Variants in PCDHGA7 observed in about 807,000 individuals in gnomAD.
PCDHGA7 encodes the protein protocadherin gamma subfamily A, 7, also known as protocadherin gamma-A7.
Under a neutral mutation model 58.3 loss-of-function variants are expected in PCDHGA7, and 44 were observed. The observed-to-expected ratio is 0.75, with a 90% CI of 0.59 to 0.97. The LOEUF (loss-of-function observed/expected upper bound fraction) is 0.97. Ranked by LOEUF, PCDHGA7 falls within the 50% of genes least tolerant of loss-of-function variation. PCDHGA7 has a pLI of 0.00. For missense variants in PCDHGA7, 1,266 were observed against 1,188.7 expected, an observed-to-expected ratio of 1.06 and a Z score of -0.96; for synonymous variants, 516 against 504.2, an observed-to-expected ratio of 1.02 and a Z score of -0.31.
At chr5:141,452,527 G>A (rs1164238830) in intron 1 of PCDHGA7, among the ~76,000 whole-genome samples, 1 of 152,156 alleles carries the variant, frequency 6.6e-6, no homozygotes, top group Non-Finnish European at 1.5e-5. Flanking sequence ...TCAAAATCGT[G>A]AGTTCATATT....
At chr5:141,422,374 G>A (rs1268014814) in intron 1 of PCDHGA7, 1 of 1,570,452 alleles carries the variant, frequency 6.4e-7, no homozygotes, top group Non-Finnish European at 8.6e-7. Flanking sequence ...AAATGGTCAA[G>A]TCTCCTGTTT....
intron 1 of PCDHGA7, chr5:141,414,139 G>T: frequency 6.3e-7 from 1 of 1,596,506 alleles, no homozygotes; most frequent in Non-Finnish European, 8.5e-7. Flanking sequence ...CTATGAAATA[G>T]AAATACAAGC....
intron 1 of PCDHGA7, chr5:141,395,804 A>C (rs150880061): frequency 6.6e-6 from 1 of 152,224 alleles, no homozygotes; most frequent in Non-Finnish European, 1.5e-5. Context: ...ACCATCCTTC[A>C]AAACATGAAC....
In PCDHGA7 at chr5:141,489,561, G is replaced by A. The variant is rs1750812409; in HGVS notation, c.2425-5246G>A. 6.2e-7 allele frequency: 1 copy of A among 1,614,106 alleles called. No homozygotes were observed. Among genetic ancestry groups the A allele is most frequent in the Non-Finnish European group, 8.5e-7 (1 of 1,180,026 alleles). On this transcript the variant is annotated intron_variant, in intron 1 of 3. Coordinates refer to ENST00000518325, the MANE Select transcript of PCDHGA7 (RefSeq NM_018920.4). The surrounding 1 kb of genome is among the most constrained non-coding windows in gnomAD (Gnocchi z 4.5). Reference sequence around the variant, plus strand: ...GCACCAGCTGCCTGCTGCCAGTGCAGGTGGTGACTGAACACCCCCTGGAGC... The same window carrying A: ...GCACCAGCTGCCTGCTGCCAGTGCAAGTGGTGACTGAACACCCCCTGGAGC...
intron 1 of PCDHGA7, chr5:141,409,822 C>A (rs983633484): frequency 6.2e-6 from 10 of 1,610,868 alleles, no homozygotes; most frequent in Non-Finnish European, 6.8e-6. Flanking sequence ...ACGGCTCGCC[C>A]ACGCTCAGCG....
Position 141,434,824 on chromosome 5 carries a change from A to C in PCDHGA7, c.2424+49501A>C, listed in dbSNP as rs143305842. ...CTTGGAGAAATATATCCCTTAGTACACTTGGCATTTATAAAGCAGACATCA... is the reference window on the plus strand; with the variant it reads ...CTTGGAGAAATATATCCCTTAGTACCCTTGGCATTTATAAAGCAGACATCA... On this transcript the variant is annotated intron_variant, in intron 1 of 3. Coordinates refer to ENST00000518325, the MANE Select transcript of PCDHGA7 (RefSeq NM_018920.4). 7.9e-4 allele frequency among the ~76,000 whole-genome samples: 120 copies of C among 152,004 alleles called. 2 individuals are homozygous for C. The highest frequency in any genetic ancestry group is 2.8e-3 in the African/African-American group (115 of 41,454).
At chr5:141,469,671 A>T (rs1285283342) in intron 1 of PCDHGA7, among the ~76,000 whole-genome samples, 3 of 152,236 alleles carry the variant, frequency 2.0e-5, no homozygotes, top group Admixed American at 1.3e-4. Flanking sequence ...TTCTAATAAA[A>T]CTACATATGC....
chr5:141,422,136 AGTACGGGG>A (rs772818860), intron 1 of PCDHGA7: 9 of 1,588,992 alleles, frequency 5.7e-6, no homozygotes, highest in Non-Finnish European at 7.7e-6. Flanking sequence ...GAGAAGTTCA[AGTACGGGG>A]GTCTCTGGAT....
At chr5:141,428,823 T>C (rs2097162740) in intron 1 of PCDHGA7, 1 of 152,274 alleles carries the variant, frequency 6.6e-6, no homozygotes, top group Non-Finnish European at 1.5e-5. Context: ...TTAGCTTTCA[T>C]GTATTTTTGA....
chr5:141,490,149 T>C lies in PCDHGA7; in HGVS notation c.2425-4658T>C. The C allele has an allele frequency of 1.9e-6, 3 of 1,614,188 alleles. No individual in the cohort carries two copies. The highest frequency in any genetic ancestry group is 2.7e-5 in the African/African-American group (2 of 75,050). On this transcript the variant is annotated intron_variant, in intron 1 of 3. Coordinates refer to ENST00000518325, the MANE Select transcript of PCDHGA7 (RefSeq NM_018920.4). This position sits in a 1 kb window ranked among gnomAD's most constrained non-coding sequence, Gnocchi z 5.4. ...TAGACCCTAGCAGTGGGGCAATCCA[T>C]GTGTTGGGTCCCATAGACTTTGAGG... is the stretch of plus-strand genomic sequence containing the variant.
chr5:141,413,302 T>C (rs746274089), intron 1 of PCDHGA7: 2 of 1,613,960 alleles, frequency 1.2e-6, no homozygotes, highest in Non-Finnish European at 8.5e-7. Context: ...TCCTGAGGAA[T>C]TAGAGAAAGG....
At chr5:141,410,458 T>A in intron 1 of PCDHGA7, 1 of 1,614,040 alleles carries the variant, frequency 6.2e-7, no homozygotes, top group African/African-American at 1.3e-5. Flanking sequence ...CTTATTCTTA[T>A]AATCTGTGCA....
chr5:141,400,071 G>A (rs2093956056), intron 1 of PCDHGA7: 1 of 1,613,824 alleles, frequency 6.2e-7, no homozygotes, highest in African/African-American at 1.3e-5. Flanking sequence ...GTGGACAGCC[G>A]CCACTCTCCG....
intron 2 of PCDHGA7, among the ~76,000 whole-genome samples, chr5:141,504,748 T>A (rs979724181): frequency 7.2e-5 from 11 of 151,880 alleles, no homozygotes; most frequent in Non-Finnish European, 1.3e-4. Context: ...CCATTGAATT[T>A]TAGAAATTTC....
intron 1 of PCDHGA7, chr5:141,410,663 T>C (rs2095415377): frequency 6.4e-7 from 1 of 1,570,102 alleles, no homozygotes; most frequent in Non-Finnish European, 8.6e-7. Flanking sequence ...AATAGTCTAC[T>C]AGTTTCTCAT....
At chr5:141,409,972 G>A in intron 1 of PCDHGA7, 1 of 1,613,374 alleles carries the variant, frequency 6.2e-7, no homozygotes, top group South Asian at 1.1e-5. Context: ...TAGTGACTAA[G>A]GTGGTAGCGG....
At chr5:141,428,987 T>G (rs1185184865) in intron 1 of PCDHGA7, 2 of 152,288 alleles carry the variant, frequency 1.3e-5, no homozygotes, top group Non-Finnish European at 2.9e-5. Context: ...CCCGGGTAGC[T>G]GGGACTACAG....
At chr5:141,436,208 A>G (rs1287696925) in intron 1 of PCDHGA7, among the ~76,000 whole-genome samples, 1 of 152,152 alleles carries the variant, frequency 6.6e-6, no homozygotes, top group Non-Finnish European at 1.5e-5. Context: ...CATAATAGGA[A>G]AACAAATGAC....
chr5:141,393,085 ATCGGGAGGAGC>A (rs2092673421), intron 1 of PCDHGA7: 1 of 1,613,542 alleles, frequency 6.2e-7, no homozygotes, highest in African/African-American at 1.3e-5. Flanking sequence ...GGCAGGATAG[ATCGGGAGGAGC>A]TCTGCGCTCA....
Sources: gnomAD v4.1 joint callset for allele counts (sites outside exome capture counted in the v4.1 genomes callset) on GRCh38, gnomAD v4.1.1 for gene constraint, Gnocchi (gnomAD v3.1) non-coding constraint, MANE v1.5 for transcripts, NCBI Gene and HGNC (gene_info 2026-07-23, HGNC 2026-07-21) for gene names.